Variants in TOM1L2 observed in about 807,000 individuals in gnomAD.
The protein encoded by TOM1L2 is target of myb1 like 2 membrane trafficking protein.
Under a neutral mutation model 67.9 loss-of-function variants are expected in TOM1L2, and 31 were observed. The observed-to-expected ratio is 0.46, with a 90% CI of 0.34 to 0.62. The LOEUF is 0.62. TOM1L2 is among the 20% of genes least tolerant of loss of function. TOM1L2 has a pLI of 0.01. For synonymous variants in TOM1L2, 256 were observed against 254.0 expected (o/e 1.01, Z -0.07); for missense variants, 606 against 663.5 (o/e 0.91, Z 0.95).
chr17:17,957,116 C>T (rs2041490634), intron 1 of TOM1L2, among the ~76,000 whole-genome samples: 1 of 152,158 alleles, frequency 6.6e-6, no homozygotes, highest in African/African-American at 2.4e-5. Flanking sequence ...GTAGCTAGGA[C>T]TACAGGGAGT....
chr17:17,869,024 C>T (rs2037003288), intron 8 of TOM1L2: 1 of 286,578 alleles, frequency 3.5e-6, no homozygotes, highest in Middle Eastern at 1.2e-3. Context: ...CTCTGGGGCC[C>T]AGAGGCCCCC....
intron 12 of TOM1L2, among the ~76,000 whole-genome samples, chr17:17,854,574 G>C (rs1384381089): frequency 6.6e-6 from 1 of 151,962 alleles, no homozygotes; most frequent in Non-Finnish European, 1.5e-5. Context: ...GCCCAGGCTG[G>C]TGTGCAGTGG....
chr17:17,913,871 C>T (rs1465064062), intron 1 of TOM1L2, among the ~76,000 whole-genome samples: 1 of 152,154 alleles, frequency 6.6e-6, no homozygotes, highest in Non-Finnish European at 1.5e-5. Context: ...ATTAAGCCTC[C>T]CAAGACTGTA....
chr17:17,904,818 G>A (rs1160226279), intron 2 of TOM1L2, among the ~76,000 whole-genome samples: 1 of 152,090 alleles, frequency 6.6e-6, no homozygotes, highest in African/African-American at 2.4e-5. Flanking sequence ...CTTGGCTACG[G>A]GACACATTTC....
chr17:17,915,606 C>T (rs2144547214), intron 1 of TOM1L2, among the ~76,000 whole-genome samples: 1 of 152,168 alleles, frequency 6.6e-6, no homozygotes. Context: ...ACCTTGAAAT[C>T]CTGGTCTCAA....
At chr17:17,916,940 G>A (rs1422735481) in intron 1 of TOM1L2, among the ~76,000 whole-genome samples, 1 of 152,098 alleles carries the variant, frequency 6.6e-6, no homozygotes, top group Non-Finnish European at 1.5e-5. Flanking sequence ...GGTGGATCAC[G>A]AGGTCAAGAG....
intron 1 of TOM1L2, among the ~76,000 whole-genome samples, chr17:17,941,354 C>T (rs1171740028): frequency 2.0e-5 from 3 of 152,134 alleles, no homozygotes; most frequent in Admixed American, 2.0e-4. Flanking sequence ...CCTGGCTCTG[C>T]CCTCGGATGA....
At chr17:17,883,326 T>C (rs2037825846) in intron 5 of TOM1L2, among the ~76,000 whole-genome samples, 1 of 152,250 alleles carries the variant, frequency 6.6e-6, no homozygotes, top group Non-Finnish European at 1.5e-5. Context: ...TTTGTAATTA[T>C]AGGAACAACA....
At chr17:17,937,050 C>T (rs1224950628) in intron 1 of TOM1L2, among the ~76,000 whole-genome samples, 1 of 152,166 alleles carries the variant, frequency 6.6e-6, no homozygotes, top group Non-Finnish European at 1.5e-5. Context: ...TCTCCTGACC[C>T]ATAGCATGTT....
chr17:17,921,659 TG>T (rs2144610913), intron 1 of TOM1L2, among the ~76,000 whole-genome samples: 1 of 135,730 alleles, frequency 7.4e-6, no homozygotes, highest in Non-Finnish European at 1.5e-5. Context: ...GTCAGACAGG[TG>T]GGGGTGGCTG....
At chr17:17,928,611 T>C (rs1717652486) in intron 1 of TOM1L2, among the ~76,000 whole-genome samples, 1 of 152,196 alleles carries the variant, frequency 6.6e-6, no homozygotes, top group Non-Finnish European at 1.5e-5. Context: ...GATGAATTAA[T>C]TGCACTCTTC....
chr17:17,913,012 C>T (rs1171967386), intron 1 of TOM1L2, among the ~76,000 whole-genome samples: 3 of 152,186 alleles, frequency 2.0e-5, no homozygotes, highest in Admixed American at 6.5e-5. Flanking sequence ...AGCGAAACCC[C>T]GTCTCCACCA....
chr17:17,954,027 G>A (rs1363102328), intron 1 of TOM1L2, among the ~76,000 whole-genome samples: 2 of 152,246 alleles, frequency 1.3e-5, no homozygotes, highest in South Asian at 2.1e-4. Context: ...CATTCAAATA[G>A]TCAGATAATT....
chr17:17,844,434 G>A lies in TOM1L2; in HGVS notation c.*3201C>T, dbSNP rs925971495. 9 of 152,316 alleles carry A rather than the reference G, an allele frequency of 5.9e-5. No homozygotes were observed. The highest frequency in any genetic ancestry group is 2.0e-4 in the Admixed American group (3 of 15,290). 9.4% of individuals were successfully genotyped at this position (152,316 alleles called of 1,614,324 possible). A position where few individuals can be genotyped will look rare whatever the true frequency, so the allele number is the denominator to read the frequency against. ...CCCCAAGACCACCAGGTGGCATGGT[G>A]GGGTGGTGGGGGAAGGCTAGTGAAC... On this transcript the variant is annotated 3_prime_UTR_variant, in exon 15 of 15. Coordinates refer to ENST00000379504, the MANE Select transcript of TOM1L2 (RefSeq NM_001082968.2).
intron 1 of TOM1L2, among the ~76,000 whole-genome samples, chr17:17,968,228 G>GC: frequency 6.6e-6 from 1 of 152,266 alleles, no homozygotes; most frequent in Non-Finnish European, 1.5e-5. Context: ...CACAGGCCTG[G>GC]CCCCCCACAG....
At chr17:17,894,334 T>G (rs1001920376) in intron 3 of TOM1L2, among the ~76,000 whole-genome samples, 5 of 152,204 alleles carry the variant, frequency 3.3e-5, no homozygotes, top group Admixed American at 2.0e-4. Context: ...TGACAAAGGA[T>G]TTTCCACTCT....
chr17:17,848,855 C>A lies in TOM1L2; in HGVS notation c.1343G>T (p.Gly448Val). The stretch of plus-strand genomic sequence containing the variant: ...TGTGACACCCTCCTCCAGATCATCA[C>A]CCTTCTGTGGGAGGAGCAGAGAAAA... ...IEVWLRTDLK[G>V]DDLEEGVTSE... is the part of the protein sequence containing the mutation. Residue 448 changes from glycine (G) to valine (V), a missense_variant, in exon 14 of 15, where the codon GGT becomes GTT. By Grantham distance (109) the Gly-to-Val change is moderately radical. Transcript: ENST00000379504. 5 of 1,614,176 alleles carry A rather than the reference C, an allele frequency of 3.1e-6. No individual in the cohort carries two copies. The highest frequency in any genetic ancestry group is 4.2e-6 in the Non-Finnish European group (5 of 1,180,024).
chr17:17,862,556 G>A, intron 11 of TOM1L2, 175 bp downstream of exon 11: 1 of 617,350 alleles, frequency 1.6e-6, no homozygotes, highest in Non-Finnish European at 2.9e-6. Context: ...GGAGGAGGTG[G>A]GCAGTTGGTA....
At chr17:17,848,102 G>A (rs1014008237) in intron 14 of TOM1L2, among the ~76,000 whole-genome samples, 2 of 152,002 alleles carry the variant, frequency 1.3e-5, no homozygotes, top group African/African-American at 2.4e-5. Context: ...AAGCTGGAGG[G>A]GCCAGCTTCT....
Sources: allele counts gnomAD v4.1 joint callset (sites outside exome capture counted in the v4.1 genomes callset), GRCh38; gene constraint gnomAD v4.1.1; transcripts MANE v1.5; gene names NCBI Gene and HGNC (gene_info 2026-07-23, HGNC 2026-07-21).